Variants in NCAM2 observed in about 807,000 individuals in gnomAD.
NCAM2 encodes the protein neural cell adhesion molecule 2.
A neutral mutation model predicts 98.1 loss-of-function variants in NCAM2; 30 were observed. That is an observed-to-expected ratio of 0.31 (90% CI 0.23 to 0.41). NCAM2 has a LOEUF of 0.41. NCAM2 is among the 10% of genes least tolerant of loss of function. The pLI, the probability that NCAM2 is intolerant of heterozygous loss-of-function variation, is 1.00. For synonymous variants in NCAM2, 368 were observed against 342.4 expected, an observed-to-expected ratio of 1.07 and a Z score of -0.83; for missense variants, 867 against 1,005.8, an observed-to-expected ratio of 0.86 and a Z score of 1.87.
chr21:21,212,369 T>C (rs1054250686), intron 1 of NCAM2, among the ~76,000 whole-genome samples: 3 of 152,186 alleles, frequency 2.0e-5, no homozygotes, highest in Non-Finnish European at 4.4e-5. Flanking sequence ...GAACAGATTA[T>C]TGATTGTCAA....
chr21:21,015,515 G>A (rs2064289489), intron 1 of NCAM2, among the ~76,000 whole-genome samples: 1 of 152,108 alleles, frequency 6.6e-6, no homozygotes, highest in South Asian at 2.1e-4. Context: ...TTAAATTAAT[G>A]TATGGACATT....
intron 12 of NCAM2, among the ~76,000 whole-genome samples, chr21:21,464,389 C>T (rs376369182): frequency 3.3e-5 from 5 of 152,122 alleles, no homozygotes; most frequent in East Asian, 1.9e-4. Context: ...TAGCATGGGG[C>T]GTATGAGCCT....
At chr21:21,119,293 G>A (rs954805998) in intron 1 of NCAM2, among the ~76,000 whole-genome samples, 5 of 152,042 alleles carry the variant, frequency 3.3e-5, no homozygotes, top group Admixed American at 1.3e-4. Flanking sequence ...CAGCCCAAGG[G>A]TACTAATTTC....
chr21:21,452,960 T>G (rs1981469977), intron 12 of NCAM2, among the ~76,000 whole-genome samples: 1 of 35,332 alleles, frequency 2.8e-5, no homozygotes, highest in Admixed American at 4.2e-4. Flanking sequence ...CTATATATTA[T>G]ATATTATATA....
At chr21:21,528,989 G>A (rs372102279) in intron 16 of NCAM2, among the ~76,000 whole-genome samples, 17 of 152,156 alleles carry the variant, frequency 1.1e-4, no homozygotes, top group African/African-American at 3.6e-4. Context: ...TACAAAAAAC[G>A]AGTGAAATTT....
chr21:21,406,328 A>G (rs984570238), intron 9 of NCAM2, among the ~76,000 whole-genome samples: 19 of 152,328 alleles, frequency 1.2e-4, no homozygotes, highest in Admixed American at 2.6e-4. Context: ...CTGGCCTAAC[A>G]GGGTCCTTGC....
At chr21:21,353,235 G>C (rs2075389123) in intron 8 of NCAM2, among the ~76,000 whole-genome samples, 1 of 152,076 alleles carries the variant, frequency 6.6e-6, no homozygotes, top group Admixed American at 6.5e-5. Context: ...AATTTTTAAA[G>C]CATAGTCCTA....
intron 12 of NCAM2, among the ~76,000 whole-genome samples, chr21:21,459,434 A>T (rs935061548): frequency 3.4e-5 from 5 of 148,340 alleles, no homozygotes; most frequent in African/African-American, 1.3e-4. Flanking sequence ...ACACACACAC[A>T]TATGCCATAT....
chr21:21,221,232 A>G (rs1025635596), intron 1 of NCAM2, among the ~76,000 whole-genome samples: 1 of 151,934 alleles, frequency 6.6e-6, no homozygotes, highest in African/African-American at 2.4e-5. Context: ...TGGCTCCCCT[A>G]TTCTCCAACA....
intron 4 of NCAM2, among the ~76,000 whole-genome samples, chr21:21,289,010 T>A (rs1357319522): frequency 1.3e-5 from 2 of 151,932 alleles, no homozygotes; most frequent in Non-Finnish European, 2.9e-5. Context: ...GGTGACATTT[T>A]ATTATACAAG....
chr21:21,126,554 GTGTT>G (rs1412256722), intron 1 of NCAM2, among the ~76,000 whole-genome samples: 1 of 151,810 alleles, frequency 6.6e-6, no homozygotes, highest in Non-Finnish European at 1.5e-5. Flanking sequence ...CTACCTATTT[GTGTT>G]TGTGTGTATT....
intron 12 of NCAM2, among the ~76,000 whole-genome samples, chr21:21,438,099 C>T (rs912855865): frequency 6.6e-6 from 1 of 152,056 alleles, no homozygotes. Flanking sequence ...TACATATGGT[C>T]TCAACATTTC....
intron 1 of NCAM2, among the ~76,000 whole-genome samples, chr21:21,159,602 G>A (rs2067720260): frequency 6.6e-6 from 1 of 152,072 alleles, no homozygotes; most frequent in Non-Finnish European, 1.5e-5. Flanking sequence ...TTATAGCCTA[G>A]GAGCAATAAG....
intron 1 of NCAM2, among the ~76,000 whole-genome samples, chr21:21,245,028 A>G (rs565148133): frequency 6.6e-6 from 1 of 152,208 alleles, no homozygotes; most frequent in South Asian, 2.1e-4. Context: ...GGGGGTATAC[A>G]CACTCCAAGG....
intron 1 of NCAM2, among the ~76,000 whole-genome samples, chr21:21,098,932 G>A (rs539319799): frequency 1.3e-4 from 20 of 151,894 alleles, no homozygotes; most frequent in East Asian, 1.2e-3. Flanking sequence ...GGCCAGGCAC[G>A]CGATGAGATT....
chr21:21,331,037 T>G (rs958617287), intron 6 of NCAM2, among the ~76,000 whole-genome samples: 2 of 152,208 alleles, frequency 1.3e-5, no homozygotes, highest in African/African-American at 4.8e-5. Context: ...CATGTTTTAC[T>G]TCCTTGAAAA....
At chr21:21,292,000 G>C in intron 4 of NCAM2, 104 bp from the exon 5 acceptor site, 2 of 1,014,876 alleles carry the variant, frequency 2.0e-6, no homozygotes, top group Non-Finnish European at 2.7e-6. Context: ...TGAAAAGCTT[G>C]ATAGTGTCAG....
intron 1 of NCAM2, among the ~76,000 whole-genome samples, chr21:21,173,581 C>T (rs1164246272): frequency 6.6e-6 from 1 of 152,080 alleles, no homozygotes; most frequent in Non-Finnish European, 1.5e-5. Context: ...TTAGTTGTTT[C>T]CATAGATTTC....
chr21:21,024,494 A>G (rs1395869042), intron 1 of NCAM2, among the ~76,000 whole-genome samples: 1 of 152,262 alleles, frequency 6.6e-6, no homozygotes, highest in African/African-American at 2.4e-5. Flanking sequence ...CCTTAAAGGT[A>G]TAAATGACTT....
Sources: allele counts gnomAD v4.1 joint callset (sites outside exome capture counted in the v4.1 genomes callset), GRCh38; gene constraint gnomAD v4.1.1; transcripts MANE v1.5; gene names NCBI Gene and HGNC (gene_info 2026-07-23, HGNC 2026-07-21).